FILIP1L: variants seen among roughly 807,000 people sequenced by gnomAD.
The protein encoded by FILIP1L is filamin A-interacting protein 1-like.
Under a neutral mutation model 96.6 loss-of-function variants are expected in FILIP1L, and 55 were observed. The observed-to-expected ratio is 0.57, with a 90% CI of 0.46 to 0.71. The LOEUF (loss-of-function observed/expected upper bound fraction) is 0.71, where lower values mean the gene tolerates loss of function less well. FILIP1L is among the 30% of genes least tolerant of loss of function. The pLI, the probability that FILIP1L is intolerant of heterozygous loss-of-function variation, is 0.00. For synonymous variants in FILIP1L, 467 were observed against 473.9 expected, an observed-to-expected ratio of 0.99 and a Z score of 0.19; for missense variants, 1,304 against 1,321.2, an observed-to-expected ratio of 0.99 and a Z score of 0.20.
At chr3:99,880,872 C>T (rs1386440619) in intron 4 of FILIP1L, among the ~76,000 whole-genome samples, 1 of 152,000 alleles carries the variant, frequency 6.6e-6, no homozygotes, top group East Asian at 1.9e-4. Flanking sequence ...TGGATGGACC[C>T]TGTATGTGTA....
intron 1 of FILIP1L, among the ~76,000 whole-genome samples, chr3:100,034,950 G>A (rs1167972631): frequency 6.6e-6 from 1 of 152,094 alleles, no homozygotes; most frequent in Non-Finnish European, 1.5e-5. Context: ...AGTTGTTTAA[G>A]TATCAAAAAA....
chr3:100,080,774 T>A (rs1366362282), intron 1 of FILIP1L, among the ~76,000 whole-genome samples: 1 of 152,206 alleles, frequency 6.6e-6, no homozygotes, highest in Non-Finnish European at 1.5e-5. Context: ...TGAGAATAGA[T>A]ATGGAATGTT....
chr3:99,982,019 T>C (rs957292831), intron 1 of FILIP1L, among the ~76,000 whole-genome samples: 22 of 151,914 alleles, frequency 1.4e-4, no homozygotes, highest in African/African-American at 5.3e-4. Flanking sequence ...TTTATTTTTC[T>C]GATAAACATA....
chr3:99,957,629 T>A (rs1708360073), intron 1 of FILIP1L, among the ~76,000 whole-genome samples: 1 of 149,414 alleles, frequency 6.7e-6, no homozygotes, highest in Admixed American at 6.7e-5. Context: ...AGTTCAGCCG[T>A]CAGACTGGAA....
intron 1 of FILIP1L, among the ~76,000 whole-genome samples, chr3:99,986,843 CAA>C (rs1559715175): frequency 6.6e-6 from 1 of 152,236 alleles, no homozygotes. Context: ...CCCTCCACAG[CAA>C]AGAGTTATTC....
chr3:100,045,962 G>A (rs1224446180), intron 1 of FILIP1L, among the ~76,000 whole-genome samples: 9 of 152,124 alleles, frequency 5.9e-5, no homozygotes. Flanking sequence ...GAGAAGGGAA[G>A]GGGAAGAAGC....
intron 1 of FILIP1L, among the ~76,000 whole-genome samples, chr3:100,063,313 G>A (rs2065605861): frequency 6.6e-6 from 1 of 151,868 alleles, no homozygotes; most frequent in Non-Finnish European, 1.5e-5. Flanking sequence ...TTAAAAATTG[G>A]TTCCACACTC....
intron 1 of FILIP1L, among the ~76,000 whole-genome samples, chr3:99,964,697 T>A (rs1708594966): frequency 1.3e-5 from 2 of 152,030 alleles, no homozygotes; most frequent in South Asian, 4.2e-4. Flanking sequence ...GCTGGGAATA[T>A]TTGTCTAGAA....
At position 100,041,595 on chromosome 3, in the gene FILIP1L, AT is replaced by A. The variant is rs552159684; in HGVS notation, c.-11+72457del. On this transcript the variant is annotated intron_variant, in intron 1 of 5. Transcript: ENST00000477258. ...TAGCCAAACTAAGGCTACAAAAAAAATAAAAATAAAAATTACAGGAAAGATG... is the reference window on the plus strand; with the variant it reads ...TAGCCAAACTAAGGCTACAAAAAAAAAAAAATAAAAATTACAGGAAAGATG... Among the ~76,000 whole-genome samples, 705 of 152,346 alleles carry A rather than the reference AT, an allele frequency of 4.6e-3. 5 individuals carry two copies. The highest frequency in any genetic ancestry group is 0.016 in the African/African-American group (671 of 41,570).
At chr3:99,889,734 G>A (rs1433776893) in intron 4 of FILIP1L, among the ~76,000 whole-genome samples, 1 of 151,362 alleles carries the variant, frequency 6.6e-6, no homozygotes, top group African/African-American at 2.4e-5. Flanking sequence ...AGGGATTAAT[G>A]ACCCTATAAA....
chr3:99,945,341 G>A (rs552384915), intron 1 of FILIP1L, among the ~76,000 whole-genome samples: 10 of 152,258 alleles, frequency 6.6e-5, no homozygotes, highest in African/African-American at 2.2e-4. Context: ...GCCTTGTTGC[G>A]TAGATCTGGA....
At chr3:100,056,682 G>C (rs1340474335) in intron 1 of FILIP1L, among the ~76,000 whole-genome samples, 1 of 151,484 alleles carries the variant, frequency 6.6e-6, no homozygotes, top group Non-Finnish European at 1.5e-5. Context: ...CACACAACCA[G>C]GTAGCAGCTC....
chr3:100,089,629 T>C (rs2066069661), intron 1 of FILIP1L, among the ~76,000 whole-genome samples: 1 of 152,208 alleles, frequency 6.6e-6, no homozygotes, highest in Non-Finnish European at 1.5e-5. Context: ...CTTTATATGA[T>C]ATTTGATAAC....
intron 3 of FILIP1L, among the ~76,000 whole-genome samples, chr3:99,927,578 A>C (rs1466105943): frequency 1.3e-5 from 2 of 152,136 alleles, no homozygotes; most frequent in Admixed American, 1.3e-4. Flanking sequence ...CATGTTGGTC[A>C]GGCTGGTCTC....
chr3:99,907,840 A>C (rs1021763191), intron 4 of FILIP1L, among the ~76,000 whole-genome samples: 1 of 152,170 alleles, frequency 6.6e-6, no homozygotes, highest in Non-Finnish European at 1.5e-5. Flanking sequence ...TCCCCTAATC[A>C]GTGATCACCT....
intron 4 of FILIP1L, among the ~76,000 whole-genome samples, chr3:99,904,322 A>G (rs1706540206): frequency 6.6e-6 from 1 of 152,212 alleles, no homozygotes; most frequent in Admixed American, 6.5e-5. Context: ...CAGTAGGGAG[A>G]GAAAACATTG....
intron 1 of FILIP1L, among the ~76,000 whole-genome samples, chr3:100,071,393 GC>G (rs2065761107): frequency 1.3e-5 from 2 of 152,126 alleles, no homozygotes; most frequent in Admixed American, 1.3e-4. Flanking sequence ...TGCTGAGACT[GC>G]CAGCCTCCCC....
At chr3:99,987,788 T>C (rs1418665909) in intron 1 of FILIP1L, among the ~76,000 whole-genome samples, 1 of 152,180 alleles carries the variant, frequency 6.6e-6, no homozygotes, top group African/African-American at 2.4e-5. Flanking sequence ...ATATGTCCAA[T>C]GAGCAAGTCA....
In FILIP1L at chr3:100,064,398, C is replaced by CTT. The variant is rs527292402; in HGVS notation, c.-11+49653_-11+49654dup. Among the ~76,000 whole-genome samples the CTT allele has an allele frequency of 4.7e-3, 690 of 146,104 alleles. 2 individuals are homozygous for CTT. The highest frequency in any genetic ancestry group is 7.0e-3 in the South Asian group (32 of 4,604). On this transcript the variant is annotated intron_variant, in intron 1 of 5. Coordinates refer to ENST00000477258, the MANE Select transcript of FILIP1L (RefSeq NM_001387850.1). ...AGCTAATCCTGACCCCCCCAACACCCTTTTTTTTTTTTCAACATTAAAGCC... is the reference window on the plus strand; with the variant it reads ...AGCTAATCCTGACCCCCCCAACACCCTTTTTTTTTTTTTTCAACATTAAAGCC...
Sources: gnomAD v4.1 joint callset for allele counts (sites outside exome capture counted in the v4.1 genomes callset) on GRCh38, gnomAD v4.1.1 for gene constraint, MANE v1.5 for transcripts, NCBI Gene and HGNC (gene_info 2026-07-23, HGNC 2026-07-21) for gene names.